Variants in AP5M1 observed in about 807,000 individuals in gnomAD.
AP5M1 encodes the protein adaptor related protein complex 5 subunit mu 1.
In AP5M1, 44 loss-of-function variants were observed where a neutral mutation model predicts 52.3. That is an observed-to-expected ratio of 0.84 (90% CI 0.66 to 1.08). AP5M1 has a LOEUF of 1.08. Among genes scored for constraint, AP5M1 ranks in the 50% least tolerant of loss-of-function variants. The pLI is 0.00. For synonymous variants in AP5M1, 213 were observed against 199.0 expected, an observed-to-expected ratio of 1.07 and a Z score of -0.59; for missense variants, 526 against 568.4, an observed-to-expected ratio of 0.93 and a Z score of 0.76.
At chr14:57,279,102 TCA>T (rs1428098812) in intron 2 of AP5M1, among the ~76,000 whole-genome samples, 3 of 152,198 alleles carry the variant, frequency 2.0e-5, no homozygotes, top group Non-Finnish European at 4.4e-5. Flanking sequence ...ATTAGTTTAA[TCA>T]TTGTGGAAGA....
At chr14:57,283,920 G>A (rs908231941) in intron 6 of AP5M1, among the ~76,000 whole-genome samples, 4 of 152,098 alleles carry the variant, frequency 2.6e-5, no homozygotes, top group South Asian at 2.1e-4. Context: ...TGGGGAGTTC[G>A]AGGCTGCAGT....
In AP5M1 at chr14:57,275,088, A is replaced by G. The variant is rs1594699336; in HGVS notation, c.720+199A>G. The G allele has an allele frequency of 8.2e-6, 5 of 607,356 alleles. No homozygotes were observed. The East Asian group carries it at 1.4e-4, about 18-fold the overall frequency. 37.6% of individuals were successfully genotyped at this position (607,356 alleles called of 1,614,324 possible). On this transcript the variant is annotated intron_variant, in intron 2 of 7. Transcript: ENST00000261558. Reference sequence around the variant, plus strand: ...TTAGTTATCTGTGGCTGTGTAAAGAATTGTCTCATTGTCCCCAAAATAGAC... The same window carrying G: ...TTAGTTATCTGTGGCTGTGTAAAGAGTTGTCTCATTGTCCCCAAAATAGAC...
chr14:57,283,559 A>T (rs1885236322), intron 6 of AP5M1, among the ~76,000 whole-genome samples: 1 of 152,062 alleles, frequency 6.6e-6, no homozygotes, highest in African/African-American at 2.4e-5. Context: ...CTGCACTGCA[A>T]CCTGGACAAC....
In AP5M1 at chr14:57,286,033, G is replaced by GA. The variant is rs3215801; in HGVS notation, c.1294-181dup. On this transcript the variant is annotated intron_variant, in intron 6 of 7. Transcript: ENST00000261558. The stretch of plus-strand genomic sequence containing the variant: ...CAAAAAAATGGCCCTAATGCAAACG[G>GA]AAAAAAAAACTGTGTGTGTTTTTGT... 2.1e-4 allele frequency among the ~76,000 whole-genome samples: 31 copies of GA among 150,240 alleles called. No individual in the cohort carries two copies. The East Asian group carries it at 2.9e-3, about 14-fold the overall frequency.
At chr14:57,281,000 A>T (rs1594703760) in intron 3 of AP5M1, among the ~76,000 whole-genome samples, 1 of 152,100 alleles carries the variant, frequency 6.6e-6, no homozygotes, top group Non-Finnish European at 1.5e-5. Context: ...TTTTGGTATG[A>T]TTTAGTCATG....
chr14:57,288,126 G>A (rs1274676597), intron 7 of AP5M1, among the ~76,000 whole-genome samples: 1 of 151,588 alleles, frequency 6.6e-6, no homozygotes, highest in African/African-American at 2.4e-5. Context: ...TATGAAGAAG[G>A]GCATGAAGAA....
chr14:57,288,392 A>G (rs546067770), intron 7 of AP5M1, among the ~76,000 whole-genome samples: 72 of 152,160 alleles, frequency 4.7e-4, no homozygotes, highest in Admixed American at 3.4e-3. Flanking sequence ...GTTAGGTGTT[A>G]ATTTATATCT....
chr14:57,283,767 C>T (rs975987914), intron 6 of AP5M1, among the ~76,000 whole-genome samples: 2 of 152,162 alleles, frequency 1.3e-5, no homozygotes, highest in Non-Finnish European at 2.9e-5. Context: ...AGGTGGATCG[C>T]TTAATCCCAG....
At chr14:57,278,005 A>G (rs1284995134) in intron 2 of AP5M1, among the ~76,000 whole-genome samples, 3 of 152,178 alleles carry the variant, frequency 2.0e-5, no homozygotes, top group Non-Finnish European at 4.4e-5. Flanking sequence ...ACTAACTCTT[A>G]AAATATTTCT....
chr14:57,280,049 C>A, intron 2 of AP5M1, 146 bp from the exon 3 acceptor site: 2 of 679,274 alleles, frequency 2.9e-6, no homozygotes, highest in Non-Finnish European at 2.6e-6. Context: ...ATGATAAAAC[C>A]ATTAATAAGA....
chr14:57,285,773 T>C (rs940628523), intron 6 of AP5M1, among the ~76,000 whole-genome samples: 1 of 152,170 alleles, frequency 6.6e-6, no homozygotes, highest in African/African-American at 2.4e-5. Context: ...CATAGCCACA[T>C]AGCCCTAGGG....
At chr14:57,278,914 C>CA (rs553257287) in intron 2 of AP5M1, among the ~76,000 whole-genome samples, 116 of 151,958 alleles carry the variant, frequency 7.6e-4, no homozygotes, top group Non-Finnish European at 1.3e-3. Flanking sequence ...TACATGCAGC[C>CA]AAAAAACATG....
chr14:57,280,330 G>A lies in AP5M1; in HGVS notation c.856G>A (p.Asp286Asn). 1 of 1,613,912 alleles carries A rather than the reference G, an allele frequency of 6.2e-7. No homozygotes were observed. Among genetic ancestry groups the A allele is most frequent in the Middle Eastern group, 1.6e-4 (1 of 6,062 alleles). ...TGCAATTCTGACTTCTAGTAGTATTGATGCAATGGATGACTCTGCATTTAG... is the reference window on the plus strand; with the variant it reads ...TGCAATTCTGACTTCTAGTAGTATTAATGCAATGGATGACTCTGCATTTAG... Reference protein sequence around the residue: ...DSAILTSSSIDAMDDSAFSGP... With the variant: ...DSAILTSSSINAMDDSAFSGP... The change falls in exon 3 of 8, where the codon GAT becomes AAT. Residue 286 changes from aspartate to asparagine, a missense_variant. Coordinates refer to ENST00000261558, the MANE Select transcript of AP5M1 (RefSeq NM_018229.4).
rs1291443787 is a variant in AP5M1, at chr14:57,293,349, C to G, written c.*4465C>G. 1 of 151,626 alleles carries G rather than the reference C, an allele frequency of 6.6e-6. No homozygotes were observed. Among genetic ancestry groups the G allele is most frequent in the African/African-American group, 2.4e-5 (1 of 41,336 alleles). The allele number at this position is 151,626 out of a possible 1,614,324, so 9.4% of individuals were successfully genotyped here. A position where few individuals can be genotyped will look rare whatever the true frequency, so the allele number is the denominator to read the frequency against. ...TGCTTAGTAATTACTGTTCTAGTAGCATTTTGCAATACAAGGGATGTATTT... is the reference window on the plus strand; with the variant it reads ...TGCTTAGTAATTACTGTTCTAGTAGGATTTTGCAATACAAGGGATGTATTT... On this transcript the variant is annotated 3_prime_UTR_variant, in exon 8 of 8. Coordinates refer to ENST00000261558, the MANE Select transcript of AP5M1 (RefSeq NM_018229.4).
At position 57,290,273 on chromosome 14, in the gene AP5M1, T is replaced by C. The variant is rs1309895933; in HGVS notation, c.*1389T>C. ...CATTATCATGGCATAAGGTTCTATG[T>C]TCAAAATTATCCCAAGTAACAAAGA... On this transcript the variant is annotated 3_prime_UTR_variant, in exon 8 of 8. Transcript: ENST00000261558. The C allele has an allele frequency of 1.3e-5, 2 of 152,000 alleles. No individual in the cohort carries two copies. Among genetic ancestry groups the C allele is most frequent in the Admixed American group, 6.6e-5 (1 of 15,222 alleles). 9.4% of individuals were successfully genotyped at this position (152,000 alleles called of 1,614,324 possible). A position where few individuals can be genotyped will look rare whatever the true frequency, so the allele number is the denominator to read the frequency against.
At position 57,294,951 on chromosome 14, in the gene AP5M1, T is replaced by C. The variant is rs370875261; in HGVS notation, c.*6067T>C. ...AAACAGACCTTCTTAGAATTTCTTA[T>C]TTTTTAAAAAAGTGAGTACTCAACA... On this transcript the variant is annotated 3_prime_UTR_variant, in exon 8 of 8. Transcript: ENST00000261558. 2.6e-5 allele frequency: 4 copies of C among 152,050 alleles called. No individual in the cohort carries two copies. The highest frequency in any genetic ancestry group is 4.4e-5 in the Non-Finnish European group (3 of 67,862). The allele number at this position is 152,050 out of a possible 1,614,324, so 9.4% of individuals were successfully genotyped here. A position where few individuals can be genotyped will look rare whatever the true frequency, so the allele number is the denominator to read the frequency against.
chr14:57,278,907 A>G (rs150045111), intron 2 of AP5M1, among the ~76,000 whole-genome samples: 1 of 152,246 alleles, frequency 6.6e-6, no homozygotes, highest in Admixed American at 6.5e-5. Flanking sequence ...GAAGACATAC[A>G]TGCAGCCAAA....
At chr14:57,274,175 T>A in intron 1 of AP5M1, 69 bp from the exon 2 acceptor site, 1 of 1,492,754 alleles carries the variant, frequency 6.7e-7, no homozygotes, top group Non-Finnish European at 8.9e-7. Context: ...TTGAGAGTTT[T>A]AAAAAAATTC....
At chr14:57,284,193 T>G (rs1276819772) in intron 6 of AP5M1, among the ~76,000 whole-genome samples, 3 of 152,222 alleles carry the variant, frequency 2.0e-5, no homozygotes, top group Non-Finnish European at 4.4e-5. Context: ...TGCATGAATA[T>G]GAAGACTTGA....
Sources: gnomAD v4.1 joint callset for allele counts (sites outside exome capture counted in the v4.1 genomes callset) on GRCh38, gnomAD v4.1.1 for gene constraint, MANE v1.5 for transcripts, NCBI Gene and HGNC (gene_info 2026-07-23, HGNC 2026-07-21) for gene names.